TCTN1: variants seen among roughly 807,000 people sequenced by gnomAD.
TCTN1 encodes the protein tectonic family member 1, also known as tectonic-1.
In TCTN1, 58 loss-of-function variants were observed where a neutral mutation model predicts 65.8. The observed-to-expected ratio is 0.88, with a 90% CI of 0.71 to 1.10. TCTN1 has a LOEUF of 1.10. Ranked by LOEUF, TCTN1 falls within the 50% of genes least tolerant of loss-of-function variation. The pLI, the probability that TCTN1 is intolerant of heterozygous loss-of-function variation, is 0.00. For synonymous variants in TCTN1, 273 were observed against 289.1 expected (o/e 0.94, Z 0.57); for missense variants, 645 against 719.4 (o/e 0.90, Z 1.18).
At chr12:110,614,578 C>G in intron 1 of TCTN1, 176 bp downstream of exon 1, 2 of 1,304,376 alleles carry the variant, frequency 1.5e-6, no homozygotes, top group African/African-American at 1.5e-5. Context: ...GTAGCTGTTA[C>G]TATCACTGTC....
chr12:110,632,767 T>G (rs1037973108), intron 5 of TCTN1, among the ~76,000 whole-genome samples: 1 of 152,028 alleles, frequency 6.6e-6, no homozygotes, highest in African/African-American at 2.4e-5. Flanking sequence ...GCCTCAAAGG[T>G]CACGTAGTTC....
At chr12:110,621,292 A>G (rs2065411723) in intron 2 of TCTN1, among the ~76,000 whole-genome samples, 1 of 152,154 alleles carries the variant, frequency 6.6e-6, no homozygotes, top group Non-Finnish European at 1.5e-5. Flanking sequence ...TTTATTGACC[A>G]ATGGGATTTT....
chr12:110,628,304 T>TA, intron 3 of TCTN1: 4 of 1,415,284 alleles, frequency 2.8e-6, no homozygotes, highest in Non-Finnish European at 3.8e-6. Context: ...TAATAAGCTT[T>TA]AAAAAATCCT....
chr12:110,618,269 C>G (rs922763246), intron 1 of TCTN1, among the ~76,000 whole-genome samples: 7 of 151,422 alleles, frequency 4.6e-5, no homozygotes, highest in African/African-American at 1.7e-4. Flanking sequence ...GAGATGGAGT[C>G]TCGCTCTGTC....
At chr12:110,645,400 A>AG in intron 12 of TCTN1, 1 of 465,774 alleles carries the variant, frequency 2.1e-6, no homozygotes, top group Non-Finnish European at 4.0e-6. Context: ...GGGTTAAGTG[A>AG]GGTAACATTT....
At chr12:110,627,121 A>G (rs1435930868) in intron 3 of TCTN1, among the ~76,000 whole-genome samples, 14 of 131,950 alleles carry the variant, frequency 1.1e-4, no homozygotes, top group African/African-American at 4.1e-4. Flanking sequence ...TTTTTGAGGC[A>G]GAGTCTCACT....
At chr12:110,627,587 A>T (rs1438652312) in intron 3 of TCTN1, among the ~76,000 whole-genome samples, 3 of 152,214 alleles carry the variant, frequency 2.0e-5, no homozygotes, top group Non-Finnish European at 1.5e-5. Flanking sequence ...TAATATGCAG[A>T]CATACATAGG....
intron 2 of TCTN1, among the ~76,000 whole-genome samples, chr12:110,622,176 T>G (rs1326540006): frequency 1.3e-5 from 2 of 151,956 alleles, no homozygotes; most frequent in Non-Finnish European, 2.9e-5. Flanking sequence ...AATGGATGAA[T>G]GAATTTCTCC....
chr12:110,634,291 G>T, intron 5 of TCTN1: 2 of 420,818 alleles, frequency 4.8e-6, no homozygotes, highest in South Asian at 3.4e-5. Context: ...TAGCTGGGGG[G>T]CAGGACAAGA....
Position 110,640,493 on chromosome 12 carries a change from C to T in TCTN1, c.954C>T (p.Ser318=), listed in dbSNP as rs372535670. Reference sequence around the variant, plus strand: ...CTCTCGTCAACGCTGGACACTTTAGCCTTTGCGTGAATGTTGTTCTTGAGG... The same window carrying T: ...CTCTCGTCAACGCTGGACACTTTAGTCTTTGCGTGAATGTTGTTCTTGAGG... ...QPTLVNAGHF[S]LCVNVVLEVK... The change falls in exon 8 of 15, where the codon AGC becomes AGT. Residue 318 remains serine, a synonymous_variant. Transcript: ENST00000397659. The surrounding 1 kb of genome is among the most constrained non-coding windows in gnomAD (Gnocchi z 4.9). The T allele has an allele frequency of 5.0e-6, 8 of 1,614,104 alleles. No homozygotes were observed. Among genetic ancestry groups the T allele is most frequent in the South Asian group, 1.1e-5 (1 of 91,090 alleles).
intron 2 of TCTN1, among the ~76,000 whole-genome samples, chr12:110,623,165 A>C (rs892536859): frequency 1.3e-5 from 2 of 152,216 alleles, no homozygotes; most frequent in African/African-American, 4.8e-5. Flanking sequence ...TAGGCTTCTT[A>C]GCCTGGATTC....
intron 10 of TCTN1, 64 bp downstream of exon 10, chr12:110,641,691 C>T: frequency 6.7e-7 from 1 of 1,490,314 alleles, no homozygotes; most frequent in South Asian, 1.1e-5. Flanking sequence ...GGCTGCACTG[C>T]TCTTTATCGC....
Position 110,649,294 on chromosome 12 carries a change from G to A in TCTN1, c.*253G>A. ...CCAGAATCCATGCTGGCAGGAGGGA[G>A]GCAGAGGTATCAAACCAAACCTCTC... On this transcript the variant is annotated 3_prime_UTR_variant, in exon 15 of 15. Coordinates refer to ENST00000397659, the MANE Select transcript of TCTN1 (RefSeq NM_001082538.3). 1.3e-6 allele frequency: 1 copy of A among 781,188 alleles called. No homozygotes were observed. The highest frequency in any genetic ancestry group is 2.1e-5 in the Admixed American group (1 of 48,548). The allele number at this position is 781,188 out of a possible 1,614,324, so 48.4% of individuals were successfully genotyped here. A position where few individuals can be genotyped will look rare whatever the true frequency, so the allele number is the denominator to read the frequency against.
At chr12:110,635,039 A>G (rs1479934933) in intron 6 of TCTN1, among the ~76,000 whole-genome samples, 1 of 152,176 alleles carries the variant, frequency 6.6e-6, no homozygotes, top group African/African-American at 2.4e-5. Context: ...TCCTGAATAA[A>G]AACAAATCTT....
At chr12:110,630,052 A>G (rs1229941355) in intron 4 of TCTN1, 1 of 152,180 alleles carries the variant, frequency 6.6e-6, no homozygotes, top group Non-Finnish European at 1.5e-5. Flanking sequence ...GGAGGGGAAC[A>G]TCACACACAG....
At chr12:110,632,677 C>T in intron 5 of TCTN1, 118 bp downstream of exon 5, 1 of 982,718 alleles carries the variant, frequency 1.0e-6, no homozygotes, top group South Asian at 1.3e-5. Context: ...TATTTTTGCA[C>T]CAACTTAATA....
intron 2 of TCTN1, among the ~76,000 whole-genome samples, chr12:110,620,508 CTG>C (rs2065349778): frequency 1.3e-5 from 2 of 152,044 alleles, no homozygotes; most frequent in Admixed American, 1.3e-4. Flanking sequence ...AATGAAACCT[CTG>C]TGTTTGAAGA....
At position 110,645,025 on chromosome 12, in the gene TCTN1, G is replaced by C; in HGVS notation, c.1390G>C (p.Gly464Arg). ...VAQKVKSLLW[G>R]QGFPDYVAPF... ...ACAGAAGGTGAAGAGCCTGCTGTGG[G>C]GCCAGGGCTTCCCAGATTACGTGGC... Residue 464 changes from glycine (G) to arginine (R), a missense_variant, in exon 12 of 15, where the codon GGC becomes CGC. Transcript: ENST00000397659. The C allele has an allele frequency of 6.2e-7, 1 of 1,614,214 alleles. No homozygotes were observed.
chr12:110,626,078 T>A (rs1051248473), intron 2 of TCTN1, among the ~76,000 whole-genome samples: 5 of 150,850 alleles, frequency 3.3e-5, no homozygotes, highest in Non-Finnish European at 7.4e-5. Context: ...TGCTTTCTTT[T>A]TTCTTTCTTT....
Sources: gnomAD v4.1 joint callset for allele counts (sites outside exome capture counted in the v4.1 genomes callset) on GRCh38, gnomAD v4.1.1 for gene constraint, Gnocchi (gnomAD v3.1) non-coding constraint, MANE v1.5 for transcripts, NCBI Gene and HGNC (gene_info 2026-07-23, HGNC 2026-07-21) for gene names.